The following COL25A1 variants were observed in gnomAD, a reference collection of about 807,000 sequenced individuals.
COL25A1 encodes collagen type XXV alpha 1 chain, also known as collagen alpha-1(XXV) chain.
Under a neutral mutation model 128.4 loss-of-function variants are expected in COL25A1, and 103 were observed. That is an observed-to-expected ratio of 0.80 (90% confidence interval 0.68 to 0.94). COL25A1 has a LOEUF of 0.94. Ranked by LOEUF, COL25A1 falls within the 40% of genes least tolerant of loss-of-function variation. The pLI, the probability that COL25A1 is intolerant of heterozygous loss-of-function variation, is 0.00. For synonymous variants in COL25A1, 279 were observed against 277.2 expected (o/e 1.01, Z -0.06); for missense variants, 745 against 840.0 (o/e 0.89, Z 1.40).
At chr4:108,959,521 A>T (rs1750436995) in intron 8 of COL25A1, among the ~76,000 whole-genome samples, 1 of 152,148 alleles carries the variant, frequency 6.6e-6, no homozygotes, top group African/African-American at 2.4e-5. Flanking sequence ...AAGGTGTCAG[A>T]CCCTGCCCTA....
chr4:108,928,556 C>A (rs1043245850), intron 11 of COL25A1, among the ~76,000 whole-genome samples: 1 of 122,296 alleles, frequency 8.2e-6, no homozygotes, highest in East Asian at 1.9e-4. Context: ...TTATTTATTT[C>A]TACAGGGACT....
At position 108,972,265 on chromosome 4, in the gene COL25A1, C is replaced by A. The variant is rs942001792; in HGVS notation, c.492+2102G>T. On this transcript the variant is annotated intron_variant, in intron 8 of 37. Coordinates refer to ENST00000399132, the MANE Select transcript of COL25A1 (RefSeq NM_198721.4). ...TGAAAATGGACAGGGTATTGGAATACAAACTCTACATTTAAAAAAAAGAGA... is the reference window on the plus strand; with the variant it reads ...TGAAAATGGACAGGGTATTGGAATAAAAACTCTACATTTAAAAAAAAGAGA... 3.3e-4 allele frequency among the ~76,000 whole-genome samples: 50 copies of A among 152,048 alleles called. 1 individual carries two copies. Among genetic ancestry groups the A allele is most frequent in the African/African-American group, 1.2e-3 (49 of 41,390 alleles).
chr4:108,899,954 T>C (rs1294818665), intron 14 of COL25A1, among the ~76,000 whole-genome samples: 1 of 152,182 alleles, frequency 6.6e-6, no homozygotes, highest in African/African-American at 2.4e-5. Context: ...GTAAATCATA[T>C]ACATTATGAA....
At chr4:109,161,823 AGAG>A (rs1450623697) in intron 3 of COL25A1, among the ~76,000 whole-genome samples, 5 of 152,238 alleles carry the variant, frequency 3.3e-5, no homozygotes, top group Non-Finnish European at 7.3e-5. Context: ...GTGAGAAACA[AGAG>A]GAGAAGTGCC....
chr4:109,103,112 G>C (rs1413181258), intron 3 of COL25A1, among the ~76,000 whole-genome samples: 1 of 152,090 alleles, frequency 6.6e-6, no homozygotes, highest in East Asian at 1.9e-4. Flanking sequence ...CTGATGTTCT[G>C]AAACACACAT....
chr4:109,094,358 T>C (rs74474995), intron 3 of COL25A1, among the ~76,000 whole-genome samples: 3,621 of 152,314 alleles, frequency 0.024, 167 homozygotes, highest in African/African-American at 0.082. Flanking sequence ...TCCTTTCCAT[T>C]ACATTTGCTT....
chr4:109,075,364 A>T (rs975492697), intron 3 of COL25A1, among the ~76,000 whole-genome samples: 16 of 152,138 alleles, frequency 1.1e-4, no homozygotes, highest in Admixed American at 2.0e-4. Context: ...TTATTAATAG[A>T]GCTAGATGTA....
At chr4:109,031,300 T>C (rs1015336738) in intron 5 of COL25A1, among the ~76,000 whole-genome samples, 6 of 151,396 alleles carry the variant, frequency 4.0e-5, no homozygotes, top group African/African-American at 1.5e-4. Flanking sequence ...GTATTTTTAG[T>C]AGAGACGGGG....
intron 19 of COL25A1, among the ~76,000 whole-genome samples, chr4:108,870,447 G>GA (rs370404159): frequency 0.041 from 5,449 of 131,766 alleles, 243 homozygotes; most frequent in African/African-American, 0.11. Flanking sequence ...ACTGATCTAA[G>GA]AAAAAAAAAA....
intron 3 of COL25A1, among the ~76,000 whole-genome samples, chr4:109,202,919 G>A (rs1022857616): frequency 2.0e-5 from 3 of 152,006 alleles, no homozygotes; most frequent in African/African-American, 7.2e-5. Context: ...TGGATATGTT[G>A]GAGAGGCAGC....
chr4:108,903,630 A>G (rs996658733), intron 13 of COL25A1, among the ~76,000 whole-genome samples: 7 of 152,034 alleles, frequency 4.6e-5, no homozygotes, highest in Admixed American at 3.3e-4. Context: ...TTATTAGTCA[A>G]TGGAAACATT....
chr4:108,909,664 G>T (rs1743980809), intron 13 of COL25A1, among the ~76,000 whole-genome samples: 1 of 152,154 alleles, frequency 6.6e-6, no homozygotes, highest in South Asian at 2.1e-4. Flanking sequence ...AGAAGTTTGT[G>T]GGGAGATCAC....
chr4:108,962,714 A>G (rs1233775065), intron 8 of COL25A1, among the ~76,000 whole-genome samples: 1 of 136,032 alleles, frequency 7.4e-6, no homozygotes, highest in Non-Finnish European at 1.6e-5. Flanking sequence ...TAAAACCAAC[A>G]GTATTGTTAT....
At chr4:108,922,672 TTAAA>T (rs1433976504) in intron 11 of COL25A1, among the ~76,000 whole-genome samples, 3 of 152,204 alleles carry the variant, frequency 2.0e-5, no homozygotes, top group African/African-American at 7.2e-5. Flanking sequence ...ATTCATAAAA[TTAAA>T]TAAGTTGTAT....
At chr4:108,847,677 G>A (rs2125764272) in intron 27 of COL25A1, among the ~76,000 whole-genome samples, 1 of 152,026 alleles carries the variant, frequency 6.6e-6, no homozygotes, top group East Asian at 1.9e-4. Context: ...AATGACCAAT[G>A]GTCAGAGAAG....
intron 3 of COL25A1, among the ~76,000 whole-genome samples, chr4:109,227,738 T>C (rs1778901412): frequency 6.6e-6 from 1 of 152,216 alleles, no homozygotes; most frequent in African/African-American, 2.4e-5. Flanking sequence ...TTCAGCTTCC[T>C]GACAGCAAAT....
At chr4:108,942,749 CT>C (rs746618908) in intron 8 of COL25A1, among the ~76,000 whole-genome samples, 2,087 of 69,906 alleles carry the variant, frequency 0.03, 27 homozygotes, top group African/African-American at 0.11. Flanking sequence ...CACATCTGGA[CT>C]TTTTTTTTTT....
chr4:109,001,254 GA>G (rs1333603042), intron 6 of COL25A1, among the ~76,000 whole-genome samples: 1 of 149,094 alleles, frequency 6.7e-6, no homozygotes, highest in Non-Finnish European at 1.5e-5. Flanking sequence ...TACAGATACA[GA>G]AAAAAAGCTA....
chr4:108,927,013 G>C (rs1746142333), intron 11 of COL25A1, among the ~76,000 whole-genome samples: 1 of 152,092 alleles, frequency 6.6e-6, no homozygotes, highest in Admixed American at 6.6e-5. Context: ...AGCAGAGCAA[G>C]ACAGTGCTGA....
Sources: gnomAD v4.1 joint callset for allele counts (sites outside exome capture counted in the v4.1 genomes callset) on GRCh38, gnomAD v4.1.1 for gene constraint, MANE v1.5 for transcripts, NCBI Gene and HGNC (gene_info 2026-07-23, HGNC 2026-07-21) for gene names.